ZNRF3: variants seen among roughly 807,000 people sequenced by gnomAD.
ZNRF3 encodes zinc and ring finger 3.
ZNRF3 carries 23 observed loss-of-function variants against 72.5 expected under a neutral mutation model. That is an observed-to-expected ratio of 0.32 (90% confidence interval 0.23 to 0.45). The LOEUF (loss-of-function observed/expected upper bound fraction) is 0.45. Among genes scored for constraint, ZNRF3 ranks in the 20% least tolerant of loss-of-function variants. The pLI is 1.00. For synonymous variants in ZNRF3, 610 were observed against 545.3 expected (o/e 1.12, Z -1.65); for missense variants, 1,169 against 1,272.1 (o/e 0.92, Z 1.23).
At position 29,054,499 on chromosome 22, in the gene ZNRF3, C is replaced by G. The variant is rs2037264592; in HGVS notation, c.*877C>G. On this transcript the variant is annotated 3_prime_UTR_variant, in exon 9 of 9. Transcript: ENST00000544604. The stretch of plus-strand genomic sequence containing the variant: ...GTTCTTGGGGCCCTCGACCTGAACT[C>G]TGACCCTCCGGGCAGGGAAGAGGAG... 6.6e-6 allele frequency: 1 copy of G among 152,570 alleles called. No homozygotes were observed. Among genetic ancestry groups the G allele is most frequent in the African/African-American group, 2.4e-5 (1 of 41,474 alleles). 9.5% of individuals were successfully genotyped at this position (152,570 alleles called of 1,614,324 possible).
At chr22:29,053,422 A>G (rs368558990) in intron 8 of ZNRF3, among the ~76,000 whole-genome samples, 157 bp from the exon 9 acceptor site, 2 of 152,194 alleles carry the variant, frequency 1.3e-5, no homozygotes, top group African/African-American at 4.8e-5. Flanking sequence ...CTGTGCTCTC[A>G]GCACAAATGG....
chr22:28,909,856 G>C (rs2034284192), intron 1 of ZNRF3, among the ~76,000 whole-genome samples: 1 of 149,454 alleles, frequency 6.7e-6, no homozygotes, highest in South Asian at 2.1e-4. Context: ...GCCTTCCAAA[G>C]TGCTGGAATT....
At chr22:29,031,254 C>T (rs1656194285) in intron 2 of ZNRF3, 1 of 152,286 alleles carries the variant, frequency 6.6e-6, no homozygotes, top group South Asian at 2.1e-4. Context: ...CTCCACCCTC[C>T]TCATCCCCAC....
chr22:28,920,504 C>CAAGTGATCA (rs1426064126), intron 1 of ZNRF3, among the ~76,000 whole-genome samples: 2 of 151,946 alleles, frequency 1.3e-5, no homozygotes, highest in African/African-American at 4.8e-5. Flanking sequence ...CTCCTGACCT[C>CAAGTGATCA]AAGTGATCCA....
chr22:29,005,572 GCTT>G (rs2036227314), intron 2 of ZNRF3, among the ~76,000 whole-genome samples: 1 of 152,192 alleles, frequency 6.6e-6, no homozygotes, highest in African/African-American at 2.4e-5. Context: ...TTAGCTCTGG[GCTT>G]CCTCTCCCTG....
chr22:28,960,006 T>C (rs1357700140), intron 1 of ZNRF3, among the ~76,000 whole-genome samples: 2 of 152,106 alleles, frequency 1.3e-5, no homozygotes, highest in Admixed American at 6.5e-5. Context: ...TACTTTGTTA[T>C]GATAGCCTGA....
At chr22:29,040,441 AG>A (rs1433777783) in intron 2 of ZNRF3, among the ~76,000 whole-genome samples, 1 of 151,920 alleles carries the variant, frequency 6.6e-6, no homozygotes, top group Non-Finnish European at 1.5e-5. Context: ...TAAGCCTCTC[AG>A]AATGCTGGGA....
chr22:28,962,408 C>T lies in ZNRF3; in HGVS notation c.301-24668C>T, dbSNP rs1397739836. ...GGGTGCAATGAAGTTGTCTGTGATA[C>T]TTATGCTTATCTCAGGCCATACTGT... On this transcript the variant is annotated intron_variant, in intron 1 of 8. Coordinates refer to ENST00000544604, the MANE Select transcript of ZNRF3 (RefSeq NM_001206998.2). Among the ~76,000 whole-genome samples the T allele has an allele frequency of 2.6e-5, 4 of 152,176 alleles. No individual in the cohort carries two copies. The East Asian group carries it at 5.8e-4, about 22-fold the overall frequency.
intron 2 of ZNRF3, among the ~76,000 whole-genome samples, chr22:28,989,446 G>A (rs1247013161): frequency 6.6e-6 from 1 of 152,082 alleles, no homozygotes; most frequent in Non-Finnish European, 1.5e-5. Context: ...TTTGACAACT[G>A]CGTTTTCTTG....
At chr22:28,954,324 T>G (rs186008168) in intron 1 of ZNRF3, among the ~76,000 whole-genome samples, 13 of 152,308 alleles carry the variant, frequency 8.5e-5, no homozygotes, top group African/African-American at 2.9e-4. Context: ...TGTATCCTCC[T>G]GTGGCGAAGA....
At position 29,030,957 on chromosome 22, in the gene ZNRF3, C is replaced by A. The variant is rs1008061901; in HGVS notation, c.427-11538C>A. ...GCCAAGCCCTGGAGCGAGGAGCCGGCGGGTGGAGCTGGCAGCACTGCGCCA... is the reference window on the plus strand; with the variant it reads ...GCCAAGCCCTGGAGCGAGGAGCCGGAGGGTGGAGCTGGCAGCACTGCGCCA... On this transcript the variant is annotated intron_variant, in intron 2 of 8. Transcript: ENST00000544604. The surrounding 1 kb of genome is among the most constrained non-coding windows in gnomAD (Gnocchi z 4.2). 1 of 152,428 alleles carries A rather than the reference C, an allele frequency of 6.6e-6. No individual in the cohort carries two copies. Among genetic ancestry groups the A allele is most frequent in the African/African-American group, 2.4e-5 (1 of 41,452 alleles). The allele number at this position is 152,428 out of a possible 1,614,324, so 9.4% of individuals were successfully genotyped here.
At chr22:28,914,088 C>G (rs1299905055) in intron 1 of ZNRF3, among the ~76,000 whole-genome samples, 1 of 152,148 alleles carries the variant, frequency 6.6e-6, no homozygotes, top group African/African-American at 2.4e-5. Context: ...CCCAGAACTC[C>G]TTTTTCTCAA....
At chr22:28,946,016 A>G (rs781730670) in intron 1 of ZNRF3, among the ~76,000 whole-genome samples, 5 of 152,132 alleles carry the variant, frequency 3.3e-5, no homozygotes, top group Middle Eastern at 3.2e-3. Context: ...AAATGCTTCA[A>G]AATCTGAAAC....
At chr22:28,993,799 C>A (rs2035996710) in intron 2 of ZNRF3, among the ~76,000 whole-genome samples, 1 of 152,236 alleles carries the variant, frequency 6.6e-6, no homozygotes, top group Non-Finnish European at 1.5e-5. Context: ...CCTCCCACTT[C>A]AGCCTCCCAA....
chr22:28,970,562 T>C (rs1380814959), intron 1 of ZNRF3, among the ~76,000 whole-genome samples: 1 of 152,160 alleles, frequency 6.6e-6, no homozygotes, highest in Non-Finnish European at 1.5e-5. Flanking sequence ...TACTCAAATA[T>C]CCGTGGCAGC....
intron 1 of ZNRF3, among the ~76,000 whole-genome samples, chr22:28,929,735 A>C (rs866767557): frequency 6.6e-6 from 1 of 152,198 alleles, no homozygotes; most frequent in East Asian, 1.9e-4. Flanking sequence ...ACACTTTAGC[A>C]GAAGCCTTGT....
intron 2 of ZNRF3, among the ~76,000 whole-genome samples, chr22:28,991,279 CAAAAAAAAAAAAAAA>C (rs59317059): frequency 2.7e-4 from 14 of 51,660 alleles, no homozygotes; most frequent in South Asian, 1.3e-3. Flanking sequence ...GACCCTCTCT[CAAAAAAAAAAAAAAA>C]AAAAAAAAAA....
At chr22:28,892,203 C>G (rs995325372) in intron 1 of ZNRF3, among the ~76,000 whole-genome samples, 2 of 152,208 alleles carry the variant, frequency 1.3e-5, no homozygotes, top group Non-Finnish European at 2.9e-5. Context: ...AGTGGTGCCC[C>G]CCGTCCATCA....
At position 28,907,022 on chromosome 22, in the gene ZNRF3, G is replaced by A. The variant is rs1464880775; in HGVS notation, c.300+22956G>A. 4.2e-5 allele frequency among the ~76,000 whole-genome samples: 6 copies of A among 143,914 alleles called. No individual in the cohort carries two copies. In the South Asian group the frequency reaches 6.5e-4, roughly 16 times the overall value. The allele number at this position is 143,914 out of a possible 152,430, so 94.4% of individuals were successfully genotyped here. A position where few individuals can be genotyped will look rare whatever the true frequency, so the allele number is the denominator to read the frequency against. The stretch of plus-strand genomic sequence containing the variant: ...TTTTGAGATGGACTCTCGCTCTGTC[G>A]CCCAGGCTGGAGTGCAGGGGCACCA... On this transcript the variant is annotated intron_variant, in intron 1 of 8. Transcript: ENST00000544604.
Sources: gnomAD v4.1 joint callset for allele counts (sites outside exome capture counted in the v4.1 genomes callset) on GRCh38, gnomAD v4.1.1 for gene constraint, Gnocchi (gnomAD v3.1) non-coding constraint, MANE v1.5 for transcripts, NCBI Gene and HGNC (gene_info 2026-07-23, HGNC 2026-07-21) for gene names.